The following FMN2 variants were observed in gnomAD, a reference collection of about 807,000 sequenced individuals.
FMN2 encodes formin 2, also known as formin-2.
A neutral mutation model predicts 142.3 loss-of-function variants in FMN2; 51 were observed. That is an observed-to-expected ratio of 0.36 (90% CI 0.29 to 0.45). The LOEUF (loss-of-function observed/expected upper bound fraction) is 0.45. Among genes scored for constraint, FMN2 ranks in the 20% least tolerant of loss-of-function variants. FMN2 has a pLI of 1.00. For missense variants in FMN2, 1,936 were observed against 2,122.8 expected, an observed-to-expected ratio of 0.91 and a Z score of 1.73; for synonymous variants, 882 against 869.8, an observed-to-expected ratio of 1.01 and a Z score of -0.25.
chr1:240,249,015 A>G, intron 6 of FMN2, among the ~76,000 whole-genome samples: 1 of 152,016 alleles, frequency 6.6e-6, no homozygotes, highest in Non-Finnish European at 1.5e-5. Context: ...TGTTGAATGA[A>G]TAGTTTACAA....
In FMN2 at chr1:240,230,039, G is replaced by A. The variant is rs190445726; in HGVS notation, c.4065+18804G>A. ...ACCAAAAATTTATAGAAGAGAGGCC[G>A]GCGCAGTGGTTCATGCCTATAATCC... On this transcript the variant is annotated intron_variant, in intron 6 of 17. Coordinates refer to ENST00000319653, the MANE Select transcript of FMN2 (RefSeq NM_020066.5). Among the ~76,000 whole-genome samples the A allele has an allele frequency of 5.0e-4, 66 of 131,658 alleles. 11 individuals are homozygous for A. Among genetic ancestry groups the A allele is most frequent in the Admixed American group, 8.0e-4 (11 of 13,812 alleles). The allele number at this position is 131,658 out of a possible 152,430, so 86.4% of individuals were successfully genotyped here.
chr1:240,140,672 G>C (rs1003297522), intron 2 of FMN2, among the ~76,000 whole-genome samples: 2 of 151,824 alleles, frequency 1.3e-5, no homozygotes, highest in Non-Finnish European at 2.9e-5. Context: ...GTGGGGGGTG[G>C]GTGGGAAGTC....
chr1:240,212,916 TC>T (rs1273463937), intron 6 of FMN2, among the ~76,000 whole-genome samples: 1 of 152,162 alleles, frequency 6.6e-6, no homozygotes, highest in Non-Finnish European at 1.5e-5. Flanking sequence ...TCTCCTTACT[TC>T]CAGCACCCCT....
At chr1:240,382,515 G>A (rs1673258741) in intron 14 of FMN2, among the ~76,000 whole-genome samples, 1 of 152,014 alleles carries the variant, frequency 6.6e-6, no homozygotes, top group Admixed American at 6.6e-5. Context: ...ACAAAAATTA[G>A]CCAGGTGTGG....
At chr1:240,441,509 C>T (rs77042661) in intron 16 of FMN2, among the ~76,000 whole-genome samples, 5 of 151,810 alleles carry the variant, frequency 3.3e-5, no homozygotes, top group Non-Finnish European at 7.4e-5. Context: ...GTACTCCTAT[C>T]CTATTTACTA....
chr1:240,436,676 C>CAA lies in FMN2; in HGVS notation c.4911-1372_4911-1371dup, dbSNP rs35630459. Among the ~76,000 whole-genome samples the CAA allele has an allele frequency of 6.2e-3, 836 of 135,412 alleles. 3 individuals are homozygous for CAA. The highest frequency in any genetic ancestry group is 0.028 in the East Asian group (130 of 4,726). The allele number at this position is 135,412 out of a possible 152,430, so 88.8% of individuals were successfully genotyped here. A position where few individuals can be genotyped will look rare whatever the true frequency, so the allele number is the denominator to read the frequency against. On this transcript the variant is annotated intron_variant, in intron 15 of 17. Coordinates refer to ENST00000319653, the MANE Select transcript of FMN2 (RefSeq NM_020066.5). ...TGGGTGACAGTGTGAGACTCCGTCTCAAAAAAAAAAAAAACTCAATATTTT... is the reference window on the plus strand; with the variant it reads ...TGGGTGACAGTGTGAGACTCCGTCTCAAAAAAAAAAAAAAAACTCAATATTTT...
At chr1:240,244,264 CTG>C (rs761779453) in intron 6 of FMN2, among the ~76,000 whole-genome samples, 25 of 152,272 alleles carry the variant, frequency 1.6e-4, no homozygotes, top group Non-Finnish European at 2.4e-4. Flanking sequence ...TACATTTAGA[CTG>C]TGTGCAAATT....
intron 14 of FMN2, among the ~76,000 whole-genome samples, chr1:240,381,357 C>G (rs1262334490): frequency 1.3e-5 from 2 of 152,138 alleles, no homozygotes; most frequent in South Asian, 2.1e-4. Flanking sequence ...TTTAGGAATG[C>G]AAGGATGGTT....
At chr1:240,360,622 CT>C (rs1355878698) in intron 14 of FMN2, among the ~76,000 whole-genome samples, 1 of 152,094 alleles carries the variant, frequency 6.6e-6, no homozygotes, top group Non-Finnish European at 1.5e-5. Flanking sequence ...TTTTTAGTGA[CT>C]GTTAATACTT....
At chr1:240,295,116 T>C (rs1286475988) in intron 8 of FMN2, among the ~76,000 whole-genome samples, 1 of 152,056 alleles carries the variant, frequency 6.6e-6, no homozygotes, top group African/African-American at 2.4e-5. Flanking sequence ...AGGTCATTCA[T>C]TATTTTTTTA....
intron 1 of FMN2, among the ~76,000 whole-genome samples, chr1:240,106,400 TA>T (rs995586715): frequency 3.3e-5 from 5 of 152,218 alleles, no homozygotes. Context: ...GCCAATTTCA[TA>T]TTGTCTTTTA....
chr1:240,355,261 C>T (rs1672225036), intron 13 of FMN2, among the ~76,000 whole-genome samples: 1 of 152,124 alleles, frequency 6.6e-6, no homozygotes, highest in Non-Finnish European at 1.5e-5. Flanking sequence ...ATGCATCTGA[C>T]ATGTAATAGA....
At chr1:240,211,007 C>T in intron 5 of FMN2, 84 bp from the exon 6 acceptor site, 4 of 1,318,068 alleles carry the variant, frequency 3.0e-6, no homozygotes, top group East Asian at 2.5e-5. Flanking sequence ...GCCTTCCTCC[C>T]TCCCCTTCTT....
chr1:240,119,328 C>CAA (rs76694954), intron 1 of FMN2, among the ~76,000 whole-genome samples: 134 of 107,760 alleles, frequency 1.2e-3, no homozygotes, highest in South Asian at 6.4e-4. Flanking sequence ...GACTCCATCT[C>CAA]AAAAAAAAAA....
intron 2 of FMN2, among the ~76,000 whole-genome samples, chr1:240,136,874 C>G (rs750406170): frequency 2.6e-5 from 4 of 151,936 alleles, no homozygotes; most frequent in Non-Finnish European, 4.4e-5. Flanking sequence ...AGTTTGAGAT[C>G]AGCCTGACCC....
At chr1:240,409,663 A>G (rs2103123361) in intron 15 of FMN2, among the ~76,000 whole-genome samples, 1 of 152,330 alleles carries the variant, frequency 6.6e-6, no homozygotes, top group East Asian at 1.9e-4. Flanking sequence ...ATTATTCAGC[A>G]TTGTAATATT....
At chr1:240,368,471 T>G (rs1672755129) in intron 14 of FMN2, among the ~76,000 whole-genome samples, 1 of 152,226 alleles carries the variant, frequency 6.6e-6, no homozygotes, top group Non-Finnish European at 1.5e-5. Context: ...ACCTCATTTT[T>G]GTTTGTATTT....
At chr1:240,432,906 A>G (rs960027806) in intron 15 of FMN2, among the ~76,000 whole-genome samples, 2 of 152,148 alleles carry the variant, frequency 1.3e-5, no homozygotes, top group Non-Finnish European at 2.9e-5. Flanking sequence ...CATATGGTCT[A>G]TGTTGAATAT....
At chr1:240,400,269 C>T (rs1021780013) in intron 15 of FMN2, among the ~76,000 whole-genome samples, 1 of 152,082 alleles carries the variant, frequency 6.6e-6, no homozygotes, top group Non-Finnish European at 1.5e-5. Flanking sequence ...GGAAACAATC[C>T]CCAAGCTGTG....
Sources: gnomAD v4.1 joint callset for allele counts (sites outside exome capture counted in the v4.1 genomes callset) on GRCh38, gnomAD v4.1.1 for gene constraint, MANE v1.5 for transcripts, NCBI Gene and HGNC (gene_info 2026-07-23, HGNC 2026-07-21) for gene names.